CHSY3: variants seen among roughly 807,000 people sequenced by gnomAD.
CHSY3 encodes N-acetylgalactosaminyl-proteoglycan 3-beta-glucuronosyltransferase 3.
In CHSY3, 35 loss-of-function variants were observed where a neutral mutation model predicts 67.2. The observed-to-expected ratio is 0.52, with a 90% CI of 0.40 to 0.69. The LOEUF is 0.69. Among genes scored for constraint, CHSY3 ranks in the 30% least tolerant of loss-of-function variants. CHSY3 has a pLI of 0.00. For missense variants in CHSY3, 1,069 were observed against 1,138.5 expected (o/e 0.94, Z 0.88); for synonymous variants, 474 against 434.7 (o/e 1.09, Z -1.12).
intron 2 of CHSY3, among the ~76,000 whole-genome samples, chr5:130,109,071 G>A (rs969620610): frequency 6.6e-6 from 1 of 151,548 alleles, no homozygotes; most frequent in African/African-American, 2.4e-5. Flanking sequence ...ACATTTACAG[G>A]CACATCAGTG....
intron 2 of CHSY3, among the ~76,000 whole-genome samples, chr5:129,993,855 T>C (rs964961801): frequency 1.3e-5 from 2 of 151,704 alleles, no homozygotes; most frequent in African/African-American, 4.8e-5. Context: ...GTACTGGTTG[T>C]TCCTTTCCAT....
chr5:130,155,729 G>A (rs1049879538), intron 2 of CHSY3, among the ~76,000 whole-genome samples: 2 of 152,166 alleles, frequency 1.3e-5, no homozygotes, highest in Admixed American at 6.5e-5. Flanking sequence ...TAAGCTGGAC[G>A]AGTCGGTAAA....
chr5:130,044,070 T>C (rs1055322314), intron 2 of CHSY3, among the ~76,000 whole-genome samples: 1 of 152,072 alleles, frequency 6.6e-6, no homozygotes, highest in Non-Finnish European at 1.5e-5. Context: ...TGCTGAAATA[T>C]GTAAATCTTC....
At chr5:129,905,746 G>T in intron 1 of CHSY3, 115 bp downstream of exon 1, 3 of 1,517,698 alleles carry the variant, frequency 2.0e-6, no homozygotes, top group South Asian at 2.6e-5. Context: ...CGTGCTTCGG[G>T]CTCCCACAGG....
intron 2 of CHSY3, among the ~76,000 whole-genome samples, chr5:129,991,236 T>G (rs1045480199): frequency 1.3e-5 from 2 of 152,136 alleles, no homozygotes; most frequent in African/African-American, 4.8e-5. Context: ...AAGGTGATGC[T>G]GGAGTTTGAA....
At chr5:130,071,669 G>A (rs1766075484) in intron 2 of CHSY3, among the ~76,000 whole-genome samples, 1 of 151,706 alleles carries the variant, frequency 6.6e-6, no homozygotes, top group Admixed American at 6.6e-5. Flanking sequence ...ATGCTGAAAT[G>A]AACATGGAAG....
At chr5:130,155,701 A>C (rs1769359498) in intron 2 of CHSY3, among the ~76,000 whole-genome samples, 1 of 152,200 alleles carries the variant, frequency 6.6e-6, no homozygotes, top group African/African-American at 2.4e-5. Flanking sequence ...TTATATCCTC[A>C]AAGCAAGGGA....
chr5:130,008,233 C>G (rs1369829520), intron 2 of CHSY3, among the ~76,000 whole-genome samples: 1 of 152,126 alleles, frequency 6.6e-6, no homozygotes, highest in Non-Finnish European at 1.5e-5. Flanking sequence ...CCCCATACCC[C>G]CCATTGGAGT....
chr5:130,040,764 G>A (rs763215784), intron 2 of CHSY3, among the ~76,000 whole-genome samples: 23 of 152,060 alleles, frequency 1.5e-4, no homozygotes, highest in Admixed American at 3.3e-4. Context: ...TATCTATATT[G>A]ACAGCATTTC....
intron 2 of CHSY3, among the ~76,000 whole-genome samples, chr5:129,923,314 G>A (rs1279015088): frequency 6.6e-6 from 1 of 152,096 alleles, no homozygotes; most frequent in Non-Finnish European, 1.5e-5. Flanking sequence ...TAGAGATAGG[G>A]TATAAGATAG....
chr5:130,178,243 A>ATTTT, intron 2 of CHSY3, among the ~76,000 whole-genome samples: 1 of 68,324 alleles, frequency 1.5e-5, no homozygotes, highest in African/African-American at 6.2e-5. Flanking sequence ...ATATATATAT[A>ATTTT]TATATATATA....
At chr5:129,905,911 A>C in intron 1 of CHSY3, 3 of 600,202 alleles carry the variant, frequency 5.0e-6, no homozygotes, top group Admixed American at 3.5e-5. Context: ...CTTAGTCTTT[A>C]CCTCGTCGGA....
In CHSY3 at chr5:129,905,090, G is replaced by A; in HGVS notation, c.261G>A (p.Pro87=). 1 of 1,541,928 alleles carries A rather than the reference G, an allele frequency of 6.5e-7. No individual in the cohort carries two copies. Among genetic ancestry groups the A allele is most frequent in the Non-Finnish European group, 8.7e-7 (1 of 1,149,910 alleles). The part of the protein sequence containing the change: ...PPARQDLQGP[P]LPEAAPGITS... ...CGCGCCAGGATCTCCAGGGGCCACC[G>A]CTGCCCGAGGCAGCACCCGGGATCA... The change falls in exon 1 of 3, where the codon CCG becomes CCA. Residue 87 remains proline, a synonymous_variant. Transcript: ENST00000305031.
chr5:130,038,774 A>C (rs1421053490), intron 2 of CHSY3, among the ~76,000 whole-genome samples: 2 of 152,116 alleles, frequency 1.3e-5, no homozygotes, highest in Non-Finnish European at 2.9e-5. Context: ...ACTGCACTAC[A>C]AAATATGTGT....
At chr5:130,081,395 C>A (rs1766442623) in intron 2 of CHSY3, among the ~76,000 whole-genome samples, 2 of 150,790 alleles carry the variant, frequency 1.3e-5, no homozygotes, top group Admixed American at 1.3e-4. Flanking sequence ...GCTTCTTCTT[C>A]AGGTCAGCAT....
Position 130,156,959 on chromosome 5 carries a change from A to G in CHSY3, c.1087-27270A>G, listed in dbSNP as rs1274813527. On this transcript the variant is annotated intron_variant, in intron 2 of 2. Transcript: ENST00000305031. The stretch of plus-strand genomic sequence containing the variant: ...ATATACTGTCATTCCTAATTTGTAG[A>G]TTAAGAAACTGGGGTTAAATTCCTT... Among the ~76,000 whole-genome samples, 5 of 152,222 alleles carry G rather than the reference A, an allele frequency of 3.3e-5. No homozygotes were observed. The East Asian group carries it at 9.6e-4, about 29-fold the overall frequency.
intron 2 of CHSY3, among the ~76,000 whole-genome samples, chr5:129,938,378 T>G (rs2149592861): frequency 6.6e-6 from 1 of 152,374 alleles, no homozygotes; most frequent in South Asian, 2.1e-4. Flanking sequence ...TCATGTTTAC[T>G]TATGCAAATT....
chr5:130,123,426 T>C (rs898059162), intron 2 of CHSY3, among the ~76,000 whole-genome samples: 4 of 152,130 alleles, frequency 2.6e-5, no homozygotes, highest in African/African-American at 9.7e-5. Context: ...AAGCATTAGA[T>C]CCTCATAAGG....
chr5:130,158,552 G>T (rs753875653), intron 2 of CHSY3, among the ~76,000 whole-genome samples: 1 of 152,118 alleles, frequency 6.6e-6, no homozygotes, highest in Non-Finnish European at 1.5e-5. Flanking sequence ...TCAAATGTGG[G>T]TCTAGACAAG....
Sources: gnomAD v4.1 joint callset for allele counts (sites outside exome capture counted in the v4.1 genomes callset) on GRCh38, gnomAD v4.1.1 for gene constraint, MANE v1.5 for transcripts, NCBI Gene and HGNC (gene_info 2026-07-23, HGNC 2026-07-21) for gene names.